Variants in TTC21B observed in about 807,000 individuals in gnomAD.
TTC21B encodes the protein tetratricopeptide repeat protein 21B.
In TTC21B, 127 loss-of-function variants were observed where a neutral mutation model predicts 175.1. The ratio of observed to expected loss-of-function variants is 0.73; its 90% CI spans 0.63 to 0.84. The LOEUF is 0.84. Among genes scored for constraint, TTC21B ranks in the 40% least tolerant of loss-of-function variants. The probability of loss-of-function intolerance (pLI) is 0.00; values close to 1 mark genes in which losing one functional copy is unlikely to be tolerated. For synonymous variants in TTC21B, 524 were observed against 524.5 expected (o/e 1.00, Z 0.01); for missense variants, 1,561 against 1,558.3 (o/e 1.00, Z -0.03).
intron 13 of TTC21B, among the ~76,000 whole-genome samples, chr2:165,917,865 C>T (rs1290420264): frequency 6.6e-6 from 1 of 152,144 alleles, no homozygotes; most frequent in African/African-American, 2.4e-5. Flanking sequence ...AACACTGTTT[C>T]TCCCCTTTAT....
chr2:165,919,166 TAAAA>T, intron 13 of TTC21B, 106 bp downstream of exon 13: 1 of 1,340,358 alleles, frequency 7.5e-7, no homozygotes, highest in Non-Finnish European at 1.1e-6. Flanking sequence ...TTTTTTCCAT[TAAAA>T]ATGCAACTGT....
chr2:165,888,255 A>G, intron 25 of TTC21B, 24 bp downstream of exon 25: 2 of 1,542,892 alleles, frequency 1.3e-6, no homozygotes, highest in Non-Finnish European at 1.8e-6. Context: ...TACCACATGA[A>G]GCTGAAAAAG....
At position 165,953,700 on chromosome 2, in the gene TTC21B, G is replaced by A. The variant is rs1157023540; in HGVS notation, c.6C>T (p.Asp2=). Residue 2 remains aspartate (D), a synonymous_variant, in exon 1 of 29, where the codon GAC becomes GAT. Coordinates refer to ENST00000243344, the MANE Select transcript of TTC21B (RefSeq NM_024753.5). ...ACCCGCTCACCTTCAATTCCTGCGAGTCCATGGCTGCCCCGAGGCCGGGCC... is the reference window on the plus strand; with the variant it reads ...ACCCGCTCACCTTCAATTCCTGCGAATCCATGGCTGCCCCGAGGCCGGGCC... M[D]SQELKTLINY... 6 of 1,410,282 alleles carry A rather than the reference G, an allele frequency of 4.3e-6. No homozygotes were observed. The allele number at this position is 1,410,282 out of a possible 1,614,324, so 87.4% of individuals were successfully genotyped here. A position where few individuals can be genotyped will look rare whatever the true frequency, so the allele number is the denominator to read the frequency against.
chr2:165,888,445 T>A lies in TTC21B; in HGVS notation c.3293A>T (p.Gln1098Leu), dbSNP rs763856160. 1.9e-6 allele frequency: 3 copies of A among 1,613,840 alleles called. No homozygotes were observed. Among genetic ancestry groups the A allele is most frequent in the Non-Finnish European group, 2.5e-6 (3 of 1,179,876 alleles). The change falls in exon 25 of 29, where the codon CAA (glutamine) becomes CTA (leucine). Residue 1098 changes from glutamine (Q) to leucine (L), a missense_variant. Coordinates refer to ENST00000243344, the MANE Select transcript of TTC21B (RefSeq NM_024753.5). ...GNSTEKQESV[Q>L]LAVRTAEKLL... Reference sequence around the variant, plus strand: ...TTTTTCTGCTGTTCTTACTGCCAGTTGCACAGATTCTTGCTTCTCAGTTGA... The same window carrying A: ...TTTTTCTGCTGTTCTTACTGCCAGTAGCACAGATTCTTGCTTCTCAGTTGA...
intron 18 of TTC21B, among the ~76,000 whole-genome samples, chr2:165,909,554 A>C (rs530058605): frequency 1.3e-5 from 2 of 152,296 alleles, no homozygotes; most frequent in East Asian, 3.9e-4. Flanking sequence ...TAAACAAAAT[A>C]ATACCTAACC....
chr2:165,881,770 T>A (rs1684844207), intron 26 of TTC21B, among the ~76,000 whole-genome samples: 1 of 152,098 alleles, frequency 6.6e-6, no homozygotes, highest in African/African-American at 2.4e-5. Flanking sequence ...TTAATTGTAA[T>A]TTTTTTCCAG....
intron 27 of TTC21B, among the ~76,000 whole-genome samples, chr2:165,877,210 A>C (rs952057016): frequency 6.6e-6 from 1 of 152,202 alleles, no homozygotes; most frequent in African/African-American, 2.4e-5. Context: ...AAAAATATGA[A>C]ATAAGAAGTG....
intron 24 of TTC21B, among the ~76,000 whole-genome samples, chr2:165,889,946 T>C (rs570297726): frequency 1.3e-5 from 2 of 152,208 alleles, no homozygotes; most frequent in East Asian, 3.9e-4. Flanking sequence ...CTAATGCAGG[T>C]TGATAAATAA....
In TTC21B at chr2:165,911,551, C is replaced by G. The variant is rs1046055308; in HGVS notation, c.2323-86G>C. ...TATTTAATACATTACAGACTTAAAG[C>G]ATTGGTATAACTAGAAATAACCAGG... On this transcript the variant is annotated intron_variant, in intron 17 of 28. Transcript: ENST00000243344. 20 of 1,501,522 alleles carry G rather than the reference C, an allele frequency of 1.3e-5. No individual in the cohort carries two copies. In the African/African-American group the frequency reaches 2.8e-4, roughly 21 times the overall value. 93.0% of individuals were successfully genotyped at this position (1,501,522 alleles called of 1,614,324 possible). A position where few individuals can be genotyped will look rare whatever the true frequency, so the allele number is the denominator to read the frequency against.
intron 24 of TTC21B, 107 bp from the exon 25 acceptor site, chr2:165,888,581 C>CT (rs35065391): frequency 3.8e-6 from 3 of 779,998 alleles, no homozygotes; most frequent in Non-Finnish European, 4.2e-6. Flanking sequence ...CTTTTATACT[C>CT]TTTTTGTCAC....
At chr2:165,953,625 AG>A (rs1687828457) in intron 1 of TTC21B, 59 bp downstream of exon 1, 1 of 1,469,944 alleles carries the variant, frequency 6.8e-7, no homozygotes, top group Non-Finnish European at 9.1e-7. Context: ...CCGGGCCAAA[AG>A]GCCGCAAAGG....
chr2:165,943,152 T>C (rs559627561), intron 5 of TTC21B, 67 bp downstream of exon 5: 1 of 1,548,670 alleles, frequency 6.5e-7, no homozygotes. Context: ...TACTTGGTTT[T>C]GTCAGGTTTC....
intron 6 of TTC21B, among the ~76,000 whole-genome samples, chr2:165,938,201 G>A (rs904592217): frequency 2.0e-5 from 3 of 151,474 alleles, no homozygotes; most frequent in Admixed American, 1.3e-4. Flanking sequence ...GGAATTCTTG[G>A]CATTTTTTTT....
chr2:165,919,683 T>C (rs150276214), intron 12 of TTC21B, among the ~76,000 whole-genome samples: 1 of 152,292 alleles, frequency 6.6e-6, no homozygotes, highest in East Asian at 1.9e-4. Context: ...CAGGAAAGGA[T>C]GAGAGCCAAG....
Position 165,917,399 on chromosome 2 carries a change from A to C in TTC21B, c.1757T>G (p.Leu586Arg). ...MGEIADAIKT[L>R]HMAMSLPGMK... ...TCCTGGTAAACTCATTGCCATATGC[A>C]GTGTTTTAATTGCGTCTGCTATTTC... Residue 586 changes from leucine to arginine, a missense_variant, in exon 14 of 29, where the codon CTG becomes CGG. By Grantham distance (102) the Leu-to-Arg change is moderately radical. Transcript: ENST00000243344. The C allele has an allele frequency of 6.2e-7, 1 of 1,614,148 alleles. No individual in the cohort carries two copies. Among genetic ancestry groups the C allele is most frequent in the Non-Finnish European group, 8.5e-7 (1 of 1,180,024 alleles).
intron 6 of TTC21B, among the ~76,000 whole-genome samples, chr2:165,935,606 T>C (rs1194440456): frequency 6.6e-6 from 1 of 152,174 alleles, no homozygotes; most frequent in African/African-American, 2.4e-5. Flanking sequence ...AACAAGCGAT[T>C]ATAGCAAGAT....
chr2:165,950,980 G>A (rs1057352734), intron 1 of TTC21B, among the ~76,000 whole-genome samples: 2 of 152,086 alleles, frequency 1.3e-5, no homozygotes, highest in Non-Finnish European at 2.9e-5. Flanking sequence ...TCAGTTAGGC[G>A]ACTGTTCTCT....
In TTC21B at chr2:165,939,682, G is replaced by C. The variant is rs1313030926; in HGVS notation, c.710+1345C>G. ...CAAGAACTCCAGATTCAGACATCCA[G>C]CTGCCTGCCCATACATCCATCTCTA... is the stretch of plus-strand genomic sequence containing the variant. On this transcript the variant is annotated intron_variant, in intron 6 of 28. Coordinates refer to ENST00000243344, the MANE Select transcript of TTC21B (RefSeq NM_024753.5). Among the ~76,000 whole-genome samples, 3 of 152,232 alleles carry C rather than the reference G, an allele frequency of 2.0e-5. No individual in the cohort carries two copies. The East Asian group carries it at 5.8e-4, about 29-fold the overall frequency.
chr2:165,913,235 AG>A (rs1031873197), intron 16 of TTC21B, among the ~76,000 whole-genome samples: 5 of 152,126 alleles, frequency 3.3e-5, no homozygotes, highest in African/African-American at 1.2e-4. Flanking sequence ...CATGTTGGCC[AG>A]GCTGGTCTTG....
Sources: gnomAD v4.1 joint callset for allele counts (sites outside exome capture counted in the v4.1 genomes callset) on GRCh38, gnomAD v4.1.1 for gene constraint, MANE v1.5 for transcripts, NCBI Gene and HGNC (gene_info 2026-07-23, HGNC 2026-07-21) for gene names.